Variants in EPHA6 observed in about 807,000 individuals in gnomAD.
EPHA6 encodes the protein EPH receptor A6.
EPHA6 carries 50 observed loss-of-function variants against 112.0 expected under a neutral mutation model. The observed-to-expected ratio is 0.45, with a 90% CI of 0.36 to 0.56. EPHA6 has a LOEUF of 0.56. EPHA6 is among the 20% of genes least tolerant of loss of function. EPHA6 has a pLI of 0.00. For synonymous variants in EPHA6, 529 were observed against 490.7 expected, an observed-to-expected ratio of 1.08 and a Z score of -1.03; for missense variants, 1,280 against 1,417.4, an observed-to-expected ratio of 0.90 and a Z score of 1.56.
At position 97,186,094 on chromosome 3, in the gene EPHA6, G is replaced by C. The variant is rs545858870; in HGVS notation, c.1115-40170G>C. Among the ~76,000 whole-genome samples the C allele has an allele frequency of 7.4e-4, 112 of 151,888 alleles. 2 individuals are homozygous for C. Among genetic ancestry groups the C allele is most frequent in the African/African-American group, 2.6e-3 (108 of 41,472 alleles). Reference sequence around the variant, plus strand: ...GGGGGAGGGGGGAGGGATAGCATTTGGAGATATACCTAATGTTAAATGACG... The same window carrying C: ...GGGGGAGGGGGGAGGGATAGCATTTCGAGATATACCTAATGTTAAATGACG... On this transcript the variant is annotated intron_variant, in intron 3 of 17. Coordinates refer to ENST00000389672, the MANE Select transcript of EPHA6 (RefSeq NM_001080448.3).
chr3:97,170,746 A>T (rs1166472666), intron 3 of EPHA6, among the ~76,000 whole-genome samples: 1 of 127,164 alleles, frequency 7.9e-6, no homozygotes, highest in East Asian at 2.0e-4. Context: ...CAAAAAAGAA[A>T]AAGAAAAGAA....
intron 5 of EPHA6, among the ~76,000 whole-genome samples, chr3:97,327,556 A>G (rs967593135): frequency 2.6e-5 from 4 of 151,766 alleles, no homozygotes; most frequent in Non-Finnish European, 5.9e-5. Flanking sequence ...TTGTGTGTCA[A>G]GATACTGGAC....
chr3:97,204,909 C>G (rs2077676220), intron 3 of EPHA6, among the ~76,000 whole-genome samples: 1 of 151,972 alleles, frequency 6.6e-6, no homozygotes, highest in African/African-American at 2.4e-5. Flanking sequence ...ATATGATCTT[C>G]CTAAGGGATA....
chr3:97,742,019 T>C (rs1267061249), intron 16 of EPHA6, among the ~76,000 whole-genome samples: 1 of 152,100 alleles, frequency 6.6e-6, no homozygotes, highest in African/African-American at 2.4e-5. Flanking sequence ...AAAAGGAAAG[T>C]AGTAATAGCA....
At chr3:97,302,552 A>G (rs1163084093) in intron 5 of EPHA6, among the ~76,000 whole-genome samples, 4 of 151,092 alleles carry the variant, frequency 2.6e-5, no homozygotes, top group African/African-American at 9.7e-5. Context: ...TAAGTGGTAT[A>G]TATTGTCTTT....
intron 13 of EPHA6, among the ~76,000 whole-genome samples, chr3:97,629,043 A>G (rs752744440): frequency 2.3e-4 from 35 of 151,852 alleles, no homozygotes; most frequent in Admixed American, 3.9e-4. Flanking sequence ...AAATTCTCCC[A>G]ACTCAGCCTC....
At chr3:97,089,480 C>G (rs190853102) in intron 3 of EPHA6, among the ~76,000 whole-genome samples, 12 of 151,958 alleles carry the variant, frequency 7.9e-5, no homozygotes, top group Non-Finnish European at 1.8e-4. Context: ...GGTGGTATAT[C>G]AACAATCTGA....
intron 13 of EPHA6, among the ~76,000 whole-genome samples, chr3:97,622,722 C>T (rs1419188749): frequency 6.6e-6 from 1 of 151,748 alleles, no homozygotes; most frequent in Non-Finnish European, 1.5e-5. Context: ...ACAAGGGTTT[C>T]AATTTCTCTG....
At chr3:97,568,661 A>T (rs1226475063) in intron 11 of EPHA6, among the ~76,000 whole-genome samples, 1 of 152,174 alleles carries the variant, frequency 6.6e-6, no homozygotes, top group East Asian at 1.9e-4. Context: ...TCTATGTAGA[A>T]TCATGAGCTC....
chr3:96,970,264 C>CAA (rs2042266586), intron 2 of EPHA6, among the ~76,000 whole-genome samples: 1 of 145,732 alleles, frequency 6.9e-6, no homozygotes, highest in Admixed American at 7.1e-5. Flanking sequence ...CACACACACA[C>CAA]ACAAACACAC....
intron 3 of EPHA6, among the ~76,000 whole-genome samples, chr3:97,107,217 T>C (rs2047594720): frequency 6.6e-6 from 1 of 152,166 alleles, no homozygotes; most frequent in Non-Finnish European, 1.5e-5. Flanking sequence ...GATGTTTTCA[T>C]TGAGCAGTAT....
rs186737183 is a variant in EPHA6, at chr3:97,536,369, G to T, written c.2386+3826G>T. On this transcript the variant is annotated intron_variant, in intron 11 of 17. Transcript: ENST00000389672. ...GAAGAACCAAAAAGAGAAAAATGAA[G>T]TGCCTACCTCCCAGCTTAGACAGCA... is the stretch of plus-strand genomic sequence containing the variant. 2.6e-3 allele frequency among the ~76,000 whole-genome samples: 390 copies of T among 152,120 alleles called. 4 individuals are homozygous for T. Among genetic ancestry groups the T allele is most frequent in the African/African-American group, 9.2e-3 (380 of 41,508 alleles).
intron 12 of EPHA6, among the ~76,000 whole-genome samples, chr3:97,593,329 C>T (rs2093561398): frequency 1.3e-5 from 2 of 152,122 alleles, no homozygotes; most frequent in South Asian, 4.1e-4. Context: ...TTCAAATTTA[C>T]TAAAACACTT....
rs548218264 is a variant in EPHA6, at chr3:97,091,809, T to A, written c.1114+103816T>A. ...TTCTTGCTGTGAAGATGACTCTCAG[T>A]CTGGTGGTATCTTATCATTGTAGTA... is the stretch of plus-strand genomic sequence containing the variant. On this transcript the variant is annotated intron_variant, in intron 3 of 17. Coordinates refer to ENST00000389672, the MANE Select transcript of EPHA6 (RefSeq NM_001080448.3). Among the ~76,000 whole-genome samples, 3 of 152,264 alleles carry A rather than the reference T, an allele frequency of 2.0e-5. No homozygotes were observed. In the East Asian group the frequency reaches 5.8e-4, roughly 29 times the overall value.
At chr3:97,481,801 A>C (rs1356484301) in intron 9 of EPHA6, among the ~76,000 whole-genome samples, 1 of 152,228 alleles carries the variant, frequency 6.6e-6, no homozygotes, top group Admixed American at 6.5e-5. Flanking sequence ...AAAGGCTGTA[A>C]ACAGATTGCA....
At chr3:97,729,826 G>T (rs374232557) in intron 15 of EPHA6, among the ~76,000 whole-genome samples, 2 of 151,402 alleles carry the variant, frequency 1.3e-5, no homozygotes, top group Non-Finnish European at 1.5e-5. Flanking sequence ...ATAAATAATC[G>T]TTACCACAAA....
chr3:96,829,939 G>GCA (rs1553713365), intron 1 of EPHA6, among the ~76,000 whole-genome samples: 7 of 77,638 alleles, frequency 9.0e-5, no homozygotes, highest in South Asian at 5.1e-4. Context: ...ACGTGCATGT[G>GCA]CGCGCGCGCG....
At chr3:97,558,303 C>T (rs1483813596) in intron 11 of EPHA6, among the ~76,000 whole-genome samples, 1 of 151,934 alleles carries the variant, frequency 6.6e-6, no homozygotes. Context: ...AGAACTTCCC[C>T]TCTTGTGATA....
intron 6 of EPHA6, among the ~76,000 whole-genome samples, chr3:97,415,667 G>A (rs1042558310): frequency 6.6e-6 from 1 of 151,946 alleles, no homozygotes. Flanking sequence ...TTGAATTCAG[G>A]CATCTGTTTG....
Sources: gnomAD v4.1 joint callset for allele counts (sites outside exome capture counted in the v4.1 genomes callset) on GRCh38, gnomAD v4.1.1 for gene constraint, MANE v1.5 for transcripts, NCBI Gene and HGNC (gene_info 2026-07-23, HGNC 2026-07-21) for gene names.